BST1: variants seen among roughly 807,000 people sequenced by gnomAD.
BST1 encodes the protein bone marrow stromal cell antigen 1.
In BST1, 49 loss-of-function variants were observed where a neutral mutation model predicts 40.6. That is an observed-to-expected ratio of 1.21 (90% CI 0.96 to 1.53). The LOEUF (loss-of-function observed/expected upper bound fraction) is 1.53, where lower values mean the gene tolerates loss of function less well. Ranked by LOEUF, BST1 falls within the 40% of genes most tolerant of loss-of-function variation. BST1 has a pLI of 0.00. For synonymous variants in BST1, 157 were observed against 159.3 expected (o/e 0.99, Z 0.11); for missense variants, 423 against 395.9 (o/e 1.07, Z -0.58).
chr4:15,707,693 C>T, intron 3 of BST1, 47 bp downstream of exon 3: 1 of 1,600,694 alleles, frequency 6.2e-7, no homozygotes, highest in Non-Finnish European at 8.5e-7. Context: ...CTCCTATTTA[C>T]TATGCATTAC....
chr4:15,773,466 T>C, the BST1 span, among the ~76,000 whole-genome samples: 3 of 152,248 alleles, frequency 2.0e-5, no homozygotes, highest in Non-Finnish European at 4.4e-5. Context: ...CTCCCAGCCA[T>C]GAGCTCTCTC....
the BST1 span, among the ~76,000 whole-genome samples, chr4:15,747,719 G>GTCCC: frequency 6.6e-6 from 1 of 151,998 alleles, no homozygotes; most frequent in Non-Finnish European, 1.5e-5. Context: ...TCCCAGGCTG[G>GTCCC]AGCACAGTGG....
intron 4 of BST1, among the ~76,000 whole-genome samples, chr4:15,713,331 G>T (rs781485884): frequency 6.6e-6 from 1 of 150,668 alleles, no homozygotes; most frequent in East Asian, 2.0e-4. Context: ...GACTACAGGC[G>T]TGTGCCACCA....
chr4:15,709,945 T>TTTTA lies in BST1; in HGVS notation c.452-1844_452-1841dup, dbSNP rs1050776160. 5.9e-5 allele frequency among the ~76,000 whole-genome samples: 9 copies of TTTTA among 151,970 alleles called. No individual in the cohort carries two copies. The East Asian group carries it at 9.6e-4, about 16-fold the overall frequency. On this transcript the variant is annotated intron_variant, in intron 3 of 8. Transcript: ENST00000265016. ...AACCATTGACAGCAGCTCTTTTTTATTTTATTTATTTATTTATTTATATTT... is the reference window on the plus strand; with the variant it reads ...AACCATTGACAGCAGCTCTTTTTTATTTTATTTATTTATTTATTTATTTATATTT...
chr4:15,749,590 A>G, the BST1 span, among the ~76,000 whole-genome samples: 2 of 152,218 alleles, frequency 1.3e-5, no homozygotes, highest in African/African-American at 2.4e-5. Context: ...TTCAATTAGA[A>G]CTAAAGAGCT....
chr4:15,733,893 G>A (rs1401332770), downstream of BST1, among the ~76,000 whole-genome samples: 4 of 152,086 alleles, frequency 2.6e-5, no homozygotes, highest in Non-Finnish European at 4.4e-5. Context: ...TATTTACATG[G>A]GTTTTAGAAT....
the BST1 span, among the ~76,000 whole-genome samples, chr4:15,761,730 T>A: frequency 6.6e-6 from 1 of 151,898 alleles, no homozygotes; most frequent in African/African-American, 2.4e-5. Context: ...AATATAGACA[T>A]GCACAGAACA....
intron 7 of BST1, among the ~76,000 whole-genome samples, chr4:15,722,167 C>T (rs994404082): frequency 6.6e-6 from 1 of 152,192 alleles, no homozygotes; most frequent in African/African-American, 2.4e-5. Context: ...TCAGGTCATA[C>T]GAGTTGTACG....
the BST1 span, among the ~76,000 whole-genome samples, chr4:15,762,524 C>T: frequency 6.4e-3 from 978 of 152,110 alleles, 25 homozygotes; most frequent in African/African-American, 0.022. Flanking sequence ...TCCATCACCA[C>T]CCATGTTGTA....
the BST1 span, among the ~76,000 whole-genome samples, chr4:15,756,135 A>G: frequency 6.6e-6 from 1 of 152,240 alleles, no homozygotes; most frequent in African/African-American, 2.4e-5. Context: ...CACCATGAAC[A>G]ACAAAAACAA....
chr4:15,766,721 C>T, the BST1 span, among the ~76,000 whole-genome samples: 2 of 136,940 alleles, frequency 1.5e-5, no homozygotes, highest in Admixed American at 1.6e-4. Flanking sequence ...TTTATCTATT[C>T]TTCTTTTCGT....
intron 1 of BST1, 88 bp from the exon 2 acceptor site, chr4:15,705,427 C>A: frequency 7.0e-7 from 1 of 1,431,276 alleles, no homozygotes; most frequent in Non-Finnish European, 9.4e-7. Context: ...TGAAAAATCT[C>A]TTGTAAAGCT....
At chr4:15,711,951 G>T in intron 4 of BST1, 62 bp downstream of exon 4, 2 of 1,423,774 alleles carry the variant, frequency 1.4e-6, no homozygotes, top group East Asian at 4.6e-5. Flanking sequence ...ATGGAACATA[G>T]TCATTCAGAG....
chr4:15,728,643 CT>C (rs869200119), intron 8 of BST1, among the ~76,000 whole-genome samples: 2,372 of 119,774 alleles, frequency 0.02, 27 homozygotes, highest in East Asian at 0.072. Context: ...TCCTTCCTTC[CT>C]TTTTTTTTTT....
chr4:15,768,480 C>CTTT, the BST1 span, among the ~76,000 whole-genome samples: 147 of 91,082 alleles, frequency 1.6e-3, no homozygotes, highest in Non-Finnish European at 1.8e-3. Context: ...TGGACAGTAT[C>CTTT]TTTTTTTTTT....
downstream of BST1, among the ~76,000 whole-genome samples, chr4:15,739,554 C>A (rs1029208608): frequency 8.3e-5 from 12 of 143,942 alleles, no homozygotes; most frequent in African/African-American, 3.1e-4. Flanking sequence ...GAAGCCAAAC[C>A]GTGTGTGTGT....
intron 8 of BST1, among the ~76,000 whole-genome samples, chr4:15,727,135 G>A (rs1467373840): frequency 6.6e-6 from 1 of 152,144 alleles, no homozygotes; most frequent in Admixed American, 6.5e-5. Context: ...AGGTTCAGAA[G>A]GATTAAGTGA....
chr4:15,750,045 A>T, the BST1 span, among the ~76,000 whole-genome samples: 1 of 150,120 alleles, frequency 6.7e-6, no homozygotes, highest in South Asian at 2.1e-4. Context: ...CCATGAGTTC[A>T]GATGGTTTGA....
At chr4:15,709,032 C>G (rs962832029) in intron 3 of BST1, among the ~76,000 whole-genome samples, 1 of 152,106 alleles carries the variant, frequency 6.6e-6, no homozygotes, top group African/African-American at 2.4e-5. Context: ...GAAATTAATA[C>G]CCCATGCTTA....
Sources: allele counts gnomAD v4.1 joint callset (sites outside exome capture counted in the v4.1 genomes callset), GRCh38; gene constraint gnomAD v4.1.1; transcripts MANE v1.5; gene names NCBI Gene and HGNC (gene_info 2026-07-23, HGNC 2026-07-21).